Variants in PEMT observed in about 807,000 individuals in gnomAD.
PEMT encodes the protein phospholipid methyltransferase.
PEMT carries 23 observed loss-of-function variants against 27.4 expected under a neutral mutation model. The ratio of observed to expected loss-of-function variants is 0.84; its 90% CI spans 0.60 to 1.19. The LOEUF is 1.19. Among genes scored for constraint, PEMT ranks in the 50% most tolerant of loss-of-function variants. The pLI is 0.00. For missense variants in PEMT, 307 were observed against 310.1 expected (o/e 0.99, Z 0.07); for synonymous variants, 137 against 139.1 (o/e 0.98, Z 0.11).
At chr17:17,530,507 G>C (rs370678708) in intron 2 of PEMT, among the ~76,000 whole-genome samples, 1 of 151,662 alleles carries the variant, frequency 6.6e-6, no homozygotes, top group Non-Finnish European at 1.5e-5. Flanking sequence ...AAAAAAGAGA[G>C]AGAACAAAGG....
chr17:17,577,027 C>G lies in PEMT; in HGVS notation c.97G>C (p.Ala33Pro). The G allele has an allele frequency of 6.2e-7, 1 of 1,612,006 alleles. No homozygotes were observed. Among genetic ancestry groups the G allele is most frequent in the African/African-American group, 1.3e-5 (1 of 75,000 alleles). Residue 33 changes from alanine (A) to proline (P), a missense_variant and splice_region_variant, in exon 2 of 7, where the codon GCA becomes CCA. By Grantham distance (27) the Ala-to-Pro change is conservative. Coordinates refer to ENST00000255389, the MANE Select transcript of PEMT (RefSeq NM_148172.3). ...GGLGNIDFRQ[A>P]DFCVMTRLLG... The stretch of plus-strand genomic sequence containing the variant: ...AGCCGGGTCATAACGCAGAAGTCTG[C>G]CTGCAGGGACAGAGCTAGCATCAGC...
intron 1 of PEMT, among the ~76,000 whole-genome samples, chr17:17,581,145 T>C (rs1167539667): frequency 6.6e-6 from 1 of 152,156 alleles, no homozygotes; most frequent in Middle Eastern, 3.2e-3. Context: ...GAGAGGTGCA[T>C]CTTCCTGAGT....
intron 3 of PEMT, among the ~76,000 whole-genome samples, chr17:17,516,990 C>A (rs1042675544): frequency 6.6e-6 from 1 of 152,204 alleles, no homozygotes; most frequent in African/African-American, 2.4e-5. Context: ...AGGGAGGTGA[C>A]CCTGGGTAGG....
At chr17:17,585,676 T>C (rs911596918) in intron 1 of PEMT, among the ~76,000 whole-genome samples, 2 of 152,222 alleles carry the variant, frequency 1.3e-5, no homozygotes, top group Non-Finnish European at 2.9e-5. Flanking sequence ...TCATAAAACC[T>C]TTAGAAGGAA....
At chr17:17,550,743 G>C (rs1909603603) in intron 2 of PEMT, among the ~76,000 whole-genome samples, 1 of 152,182 alleles carries the variant, frequency 6.6e-6, no homozygotes, top group Non-Finnish European at 1.5e-5. Flanking sequence ...ACAGGACGCC[G>C]TTCCATCACA....
At position 17,559,198 on chromosome 17, in the gene PEMT, C is replaced by T. The variant is rs568997551; in HGVS notation, c.204+17722G>A. 3.8e-3 allele frequency among the ~76,000 whole-genome samples: 572 copies of T among 152,318 alleles called. 3 individuals are homozygous for T. Among genetic ancestry groups the T allele is most frequent in the Non-Finnish European group, 5.4e-3 (365 of 68,026 alleles). On this transcript the variant is annotated intron_variant, in intron 2 of 6. Transcript: ENST00000255389. Reference sequence around the variant, plus strand: ...GAGGCTGGTCCCAGCCCCTTCTCCACGCCTGGCTCCAAGACATAGGACTTC... The same window carrying T: ...GAGGCTGGTCCCAGCCCCTTCTCCATGCCTGGCTCCAAGACATAGGACTTC...
intron 2 of PEMT, among the ~76,000 whole-genome samples, chr17:17,570,091 A>G (rs1911085695): frequency 6.6e-6 from 1 of 152,224 alleles, no homozygotes; most frequent in African/African-American, 2.4e-5. Context: ...ACGCTCACAA[A>G]GCCAATAAAC....
Position 17,505,900 on chromosome 17 carries a change from C to T in PEMT, c.654-52G>A, listed in dbSNP as rs761242711. 3.1e-5 allele frequency: 48 copies of T among 1,561,996 alleles called. No homozygotes were observed. The South Asian group carries it at 5.1e-4, about 16-fold the overall frequency. On this transcript the variant is annotated intron_variant, in intron 6 of 6. Coordinates refer to ENST00000255389, the MANE Select transcript of PEMT (RefSeq NM_148172.3). ...GTCAGCAGGTCCTGGGGGTGACCCA[C>T]TGCCCGCACCAGAGCTCTGCGTCCA... is the stretch of plus-strand genomic sequence containing the variant.
chr17:17,563,972 A>G (rs1172343751), intron 2 of PEMT, among the ~76,000 whole-genome samples: 2 of 152,168 alleles, frequency 1.3e-5, no homozygotes, highest in African/African-American at 2.4e-5. Flanking sequence ...TGGCCTGGGC[A>G]GCTTTAATTC....
At chr17:17,578,783 G>A (rs925663350) in intron 1 of PEMT, 6 of 152,084 alleles carry the variant, frequency 3.9e-5, no homozygotes, top group African/African-American at 1.4e-4. Context: ...GTCAGGGGGC[G>A]GGGGGCTAGG....
At chr17:17,559,715 C>T (rs957302021) in intron 2 of PEMT, among the ~76,000 whole-genome samples, 1 of 152,188 alleles carries the variant, frequency 6.6e-6, no homozygotes, top group Non-Finnish European at 1.5e-5. Context: ...ACCCTAGGCA[C>T]AGAGGGGAGC....
rs1567759261 is a variant in PEMT at position 17,586,264 on chromosome 17, GAAAGAAAGAAAGAAAGAAAGAAAGA to G, written c.96+5242_96+5266del. ...AGAAAGAAAGAAAGAAAGAAAGAAA[GAAAGAAAGAAAGAAAGAAAGAAAGA>G]AAAAAAAAAACGCAGGTGGAAAATC... On this transcript the variant is annotated intron_variant, in intron 1 of 6. Transcript: ENST00000255389. 4.5e-4 allele frequency among the ~76,000 whole-genome samples: 49 copies of G among 109,826 alleles called. 1 individual carries two copies. Among genetic ancestry groups the G allele is most frequent in the Non-Finnish European group, 7.6e-4 (42 of 55,522 alleles). 72.1% of individuals were successfully genotyped at this position (109,826 alleles called of 152,430 possible).
In PEMT at chr17:17,506,272, G is replaced by A. The variant is rs1055292388; in HGVS notation, c.608C>T (p.Thr203Met). 11 of 1,586,086 alleles carry A rather than the reference G, an allele frequency of 6.9e-6. No individual in the cohort carries two copies. The highest frequency in any genetic ancestry group is 1.7e-4 in the Middle Eastern group (1 of 6,024). Reference sequence around the variant, plus strand: ...TATGTAGGTGAGGGCCACCAGCACCGTCAGGAGCAGGCCCGTGGGGCTGGC... The same window carrying A: ...TATGTAGGTGAGGGCCACCAGCACCATCAGGAGCAGGCCCGTGGGGCTGGC... ...MHASPTGLLL[T>M]VLVALTYIVA... The change falls in exon 6 of 7, where the codon ACG becomes ATG. Residue 203 changes from threonine (T) to methionine (M), a missense_variant. Coordinates refer to ENST00000255389, the MANE Select transcript of PEMT (RefSeq NM_148172.3).
At chr17:17,539,540 C>T (rs72828480) in intron 2 of PEMT, among the ~76,000 whole-genome samples, 5,390 of 152,324 alleles carry the variant, frequency 0.035, 123 homozygotes, top group Non-Finnish European at 0.056. Context: ...TTTGTGGCTA[C>T]GCAGGATTCT....
chr17:17,521,911 T>C (rs967046997), intron 3 of PEMT, among the ~76,000 whole-genome samples: 7 of 152,290 alleles, frequency 4.6e-5, no homozygotes, highest in South Asian at 2.1e-4. Flanking sequence ...CCTGGAGAGA[T>C]GGTCAGGCCT....
intron 2 of PEMT, among the ~76,000 whole-genome samples, chr17:17,546,551 G>A (rs1235465035): frequency 6.6e-6 from 1 of 152,258 alleles, no homozygotes; most frequent in Non-Finnish European, 1.5e-5. Context: ...GCCCCGGGAA[G>A]AAAATTACAA....
chr17:17,588,034 A>T (rs1912409591), intron 1 of PEMT, among the ~76,000 whole-genome samples: 1 of 152,258 alleles, frequency 6.6e-6, no homozygotes, highest in Non-Finnish European at 1.5e-5. Flanking sequence ...CTAGTTCAAC[A>T]TTCAAAACAT....
intron 3 of PEMT, among the ~76,000 whole-genome samples, chr17:17,518,875 GC>G (rs1907056707): frequency 6.6e-6 from 1 of 152,200 alleles, no homozygotes; most frequent in Admixed American, 6.5e-5. Flanking sequence ...ACTGCTCCAG[GC>G]CTATAGGGTG....
At position 17,523,617 on chromosome 17, in the gene PEMT, C is replaced by G. The variant is rs1030956134; in HGVS notation, c.205-1222G>C. Among the ~76,000 whole-genome samples, 4 of 152,106 alleles carry G rather than the reference C, an allele frequency of 2.6e-5. No homozygotes were observed. Among genetic ancestry groups the G allele is most frequent in the African/African-American group, 4.8e-5 (2 of 41,414 alleles). The stretch of plus-strand genomic sequence containing the variant: ...AATTCTCCCAGAAGGTAAGCAGGCC[C>G]TAGTCCAGGTCTCAGCAGGTGGCCG... On this transcript the variant is annotated intron_variant, in intron 2 of 6. Transcript: ENST00000255389. This position sits in a 1 kb window ranked among gnomAD's most constrained non-coding sequence, Gnocchi z 4.8.
Sources: allele counts gnomAD v4.1 joint callset (sites outside exome capture counted in the v4.1 genomes callset), GRCh38; gene constraint gnomAD v4.1.1; non-coding constraint Gnocchi (gnomAD v3.1); transcripts MANE v1.5; gene names NCBI Gene and HGNC (gene_info 2026-07-23, HGNC 2026-07-21).